The following WARS2 variants were observed in gnomAD, a reference collection of about 807,000 sequenced individuals.
WARS2 encodes the protein tryptophan--tRNA ligase, mitochondrial.
In WARS2, 28 loss-of-function variants were observed where a neutral mutation model predicts 36.5. That is an observed-to-expected ratio of 0.77 (90% CI 0.57 to 1.05). The LOEUF is 1.05. Ranked by LOEUF, WARS2 falls within the 50% of genes least tolerant of loss-of-function variation. The probability of loss-of-function intolerance (pLI) is 0.00; values close to 1 mark genes in which losing one functional copy is unlikely to be tolerated. For missense variants in WARS2, 435 were observed against 456.8 expected (o/e 0.95, Z 0.44); for synonymous variants, 174 against 178.4 (o/e 0.98, Z 0.20).
At chr1:119,118,447 C>A (rs757174692) in intron 1 of WARS2, among the ~76,000 whole-genome samples, 3 of 151,912 alleles carry the variant, frequency 2.0e-5, no homozygotes, top group Admixed American at 6.6e-5. Flanking sequence ...AATGACCAAA[C>A]CTAAGAGTAA....
chr1:119,047,919 T>A (rs1237684735), intron 2 of WARS2, among the ~76,000 whole-genome samples: 2 of 152,210 alleles, frequency 1.3e-5, no homozygotes, highest in Non-Finnish European at 2.9e-5. Flanking sequence ...TTCTAAAAGG[T>A]GCATTCTTCA....
intron 2 of WARS2, among the ~76,000 whole-genome samples, chr1:119,075,367 A>G (rs1358100882): frequency 1.3e-5 from 2 of 152,174 alleles, no homozygotes; most frequent in Non-Finnish European, 2.9e-5. Flanking sequence ...ATTCCATTTT[A>G]TATAAGGAAC....
rs143460327 is a variant in WARS2, at chr1:119,059,690, G to A, written c.349-14028C>T. On this transcript the variant is annotated intron_variant, in intron 2 of 5. Transcript: ENST00000235521. ...GCCTTATACATTTCAGATTCAGTGTGTCAGTTTATATAAAAATGTATGTTG... is the reference window on the plus strand; with the variant it reads ...GCCTTATACATTTCAGATTCAGTGTATCAGTTTATATAAAAATGTATGTTG... Among the ~76,000 whole-genome samples the A allele has an allele frequency of 1.6e-4, 24 of 152,216 alleles. No homozygotes were observed. In the East Asian group the frequency reaches 3.7e-3, roughly 23 times the overall value.
At chr1:119,074,654 C>T (rs764839014) in intron 2 of WARS2, among the ~76,000 whole-genome samples, 1 of 152,100 alleles carries the variant, frequency 6.6e-6, no homozygotes, top group Non-Finnish European at 1.5e-5. Context: ...TTGATAACTG[C>T]ATTTATTTTT....
In WARS2 at chr1:119,076,336, T is replaced by A. The variant is rs766704669; in HGVS notation, c.348+14A>T. 6.2e-7 allele frequency: 1 copy of A among 1,613,954 alleles called. No homozygotes were observed. Among genetic ancestry groups the A allele is most frequent in the African/African-American group, 1.3e-5 (1 of 75,054 alleles). ...CACATAAGAGTTTTCTCAGTTCTAA[T>A]CTGAGAAGCTGACCTGAGATTGTTG... On this transcript the variant is annotated intron_variant, in intron 2 of 5. Transcript: ENST00000235521.
chr1:119,094,938 A>C (rs1342197199), intron 1 of WARS2, among the ~76,000 whole-genome samples: 2 of 152,210 alleles, frequency 1.3e-5, no homozygotes, highest in Admixed American at 1.3e-4. Flanking sequence ...CCAATCATTA[A>C]TTCACCATCC....
intron 1 of WARS2, among the ~76,000 whole-genome samples, chr1:119,091,162 T>A (rs1343567764): frequency 6.6e-6 from 1 of 152,244 alleles, no homozygotes; most frequent in Non-Finnish European, 1.5e-5. Context: ...AATCCTTCTA[T>A]GCCTCCTAGC....
In WARS2 at chr1:119,115,244, G is replaced by A. The variant is rs146143285; in HGVS notation, c.90+25311C>T. The stretch of plus-strand genomic sequence containing the variant: ...AAGGGGATAGACTAGGATAAAGGGC[G>A]ATGGAGCTTCCTCAGTTGTGGCAAT... On this transcript the variant is annotated intron_variant, in intron 1 of 5. Transcript: ENST00000235521. 1.5e-3 allele frequency among the ~76,000 whole-genome samples: 229 copies of A among 152,308 alleles called. 5 individuals carry two copies. The highest frequency in any genetic ancestry group is 0.01 in the Middle Eastern group (3 of 294).
intron 1 of WARS2, among the ~76,000 whole-genome samples, chr1:119,134,384 C>T (rs1194857912): frequency 2.8e-5 from 4 of 143,908 alleles, no homozygotes; most frequent in Non-Finnish European, 6.0e-5. Context: ...AACCAGAAGT[C>T]GGTTCAATTA....
rs6678274 is a variant in WARS2, at chr1:119,066,136, C to A, written c.348+10214G>T. 7.6e-3 allele frequency among the ~76,000 whole-genome samples: 1,153 copies of A among 151,350 alleles called. 11 individuals carry two copies. The highest frequency in any genetic ancestry group is 0.026 in the African/African-American group (1,087 of 41,260). ...CTGAATTGGCTATATTAAAAAAAAA[C>A]AAAAAACAAAACTCTGTACAACAAC... On this transcript the variant is annotated intron_variant, in intron 2 of 5. Transcript: ENST00000235521.
chr1:119,126,477 CTAT>C, intron 1 of WARS2: 2 of 368,886 alleles, frequency 5.4e-6, no homozygotes, highest in African/African-American at 6.6e-5. Context: ...GAGGTAGATA[CTAT>C]TTTTTTTTTT....
At chr1:119,105,062 G>A (rs1309213013) in intron 1 of WARS2, among the ~76,000 whole-genome samples, 1 of 152,212 alleles carries the variant, frequency 6.6e-6, no homozygotes, top group Non-Finnish European at 1.5e-5. Flanking sequence ...TGCAGGAGCA[G>A]AGGTAAGCAG....
intron 2 of WARS2, chr1:119,047,435 C>T (rs568229571): frequency 3.9e-5 from 6 of 152,148 alleles, no homozygotes; most frequent in Admixed American, 2.0e-4. Flanking sequence ...TATGTCTCCA[C>T]GAAGCTGAGT....
chr1:119,135,751 T>TAGATAGATAGATAGAG (rs1314078794), intron 1 of WARS2, among the ~76,000 whole-genome samples: 1 of 109,224 alleles, frequency 9.2e-6, no homozygotes, highest in African/African-American at 3.2e-5. Context: ...GATAGATAGA[T>TAGATAGATAGATAGAG]AGAGAGATAG....
chr1:119,111,963 C>T (rs1197109515), intron 1 of WARS2, among the ~76,000 whole-genome samples: 1 of 151,732 alleles, frequency 6.6e-6, no homozygotes, highest in Non-Finnish European at 1.5e-5. Flanking sequence ...GATCTTGTTG[C>T]CCAGGCTGGA....
chr1:119,136,024 G>A (rs926766744), intron 1 of WARS2, among the ~76,000 whole-genome samples: 6 of 152,016 alleles, frequency 3.9e-5, no homozygotes, highest in East Asian at 1.9e-4. Context: ...CACCTGCTTC[G>A]GCCTCCCAAA....
intron 3 of WARS2, 34 bp downstream of exon 3, chr1:119,045,548 T>C: frequency 5.2e-6 from 8 of 1,545,880 alleles, no homozygotes; most frequent in Non-Finnish European, 7.1e-6. Flanking sequence ...AAATAGCTTC[T>C]TGTCTGTTTA....
intron 1 of WARS2, among the ~76,000 whole-genome samples, chr1:119,092,276 T>A (rs1417283928): frequency 6.6e-6 from 1 of 152,198 alleles, no homozygotes; most frequent in Non-Finnish European, 1.5e-5. Flanking sequence ...CACAAGGAAT[T>A]GCACCCTGTT....
chr1:119,046,020 A>C (rs891415630), intron 2 of WARS2, among the ~76,000 whole-genome samples: 6 of 151,592 alleles, frequency 4.0e-5, no homozygotes, highest in African/African-American at 1.2e-4. Context: ...CTCTCTCTCT[A>C]TCACACACTC....
Sources: gnomAD v4.1 joint callset for allele counts (sites outside exome capture counted in the v4.1 genomes callset) on GRCh38, gnomAD v4.1.1 for gene constraint, MANE v1.5 for transcripts, NCBI Gene and HGNC (gene_info 2026-07-23, HGNC 2026-07-21) for gene names.